The following DNAH3 variants were observed in gnomAD, a reference collection of about 807,000 sequenced individuals.
DNAH3 encodes the protein dynein axonemal heavy chain 3.
Under a neutral mutation model 432.5 loss-of-function variants are expected in DNAH3, and 332 were observed. That is an observed-to-expected ratio of 0.77 (90% CI 0.70 to 0.84). The LOEUF (loss-of-function observed/expected upper bound fraction) is 0.84, where lower values mean the gene tolerates loss of function less well. Among genes scored for constraint, DNAH3 ranks in the 40% least tolerant of loss-of-function variants. DNAH3 has a pLI of 0.00. For synonymous variants in DNAH3, 1,956 were observed against 1,900.2 expected (o/e 1.03, Z -0.76); for missense variants, 4,861 against 5,114.0 (o/e 0.95, Z 1.51).
intron 19 of DNAH3, among the ~76,000 whole-genome samples, chr16:21,084,314 C>CTTTATTTATTTA (rs71666850): frequency 1.3e-5 from 2 of 151,098 alleles, no homozygotes; most frequent in African/African-American, 4.9e-5. Flanking sequence ...AATTTTTTTA[C>CTTTATTTATTTA]TTTATTTATT....
chr16:21,137,308 C>A (rs1192668107), intron 5 of DNAH3, among the ~76,000 whole-genome samples: 2 of 150,990 alleles, frequency 1.3e-5, no homozygotes, highest in Non-Finnish European at 2.9e-5. Flanking sequence ...CCTAAAATGG[C>A]CTCGAATCAC....
rs1215324675 is a variant in DNAH3 at position 20,957,864 on chromosome 16, ATTTGAGTTAAAATGGACT to A, written c.10826+1297_10826+1314del. On this transcript the variant is annotated intron_variant, in intron 54 of 61. Transcript: ENST00000261383. ...AAAAAAAAAAAGAGAATCCCTGAAC[ATTTGAGTTAAAATGGACT>A]TTAAAGTCTGTTTGGTTCAACTCAT... 4.3e-5 allele frequency among the ~76,000 whole-genome samples: 6 copies of A among 137,998 alleles called. No individual in the cohort carries two copies. The East Asian group carries it at 1.3e-3, about 31-fold the overall frequency. The allele number at this position is 137,998 out of a possible 152,430, so 90.5% of individuals were successfully genotyped here.
chr16:21,105,901 G>A (rs1011936147), intron 15 of DNAH3, among the ~76,000 whole-genome samples: 10 of 152,008 alleles, frequency 6.6e-5, no homozygotes, highest in African/African-American at 1.2e-4. Flanking sequence ...ACTGGAGGTC[G>A]GCCAGGCCCC....
chr16:21,008,455 T>G (rs912247812), intron 41 of DNAH3, among the ~76,000 whole-genome samples: 2 of 152,206 alleles, frequency 1.3e-5, no homozygotes, highest in African/African-American at 4.8e-5. Flanking sequence ...GAAATCTGTC[T>G]ACATTTCCTG....
chr16:21,050,733 C>T (rs2089920625), intron 29 of DNAH3, among the ~76,000 whole-genome samples: 1 of 152,196 alleles, frequency 6.6e-6, no homozygotes, highest in Non-Finnish European at 1.5e-5. Context: ...CGTGAGCCAC[C>T]ATGCCCAGCT....
At chr16:21,094,603 G>A (rs951823322) in intron 18 of DNAH3, among the ~76,000 whole-genome samples, 21 of 149,666 alleles carry the variant, frequency 1.4e-4, no homozygotes, top group African/African-American at 4.2e-4. Context: ...CCCAGGAGGC[G>A]GAGGCTGCAG....
At chr16:21,030,413 GAGAGAGAGAAAGAT>G (rs2088813658) in intron 37 of DNAH3, among the ~76,000 whole-genome samples, 1 of 152,138 alleles carries the variant, frequency 6.6e-6, no homozygotes, top group Non-Finnish European at 1.5e-5. Context: ...GAAAGAAAAA[GAGAGAGAGAAAGAT>G]GGGCCAAATA....
At chr16:21,129,704 T>G (rs747527335) in intron 7 of DNAH3, among the ~76,000 whole-genome samples, 5 of 151,738 alleles carry the variant, frequency 3.3e-5, no homozygotes, top group Non-Finnish European at 7.4e-5. Flanking sequence ...ACCACTGCAC[T>G]CCAGCCTGGG....
At chr16:21,050,566 G>A (rs2089912192) in intron 29 of DNAH3, among the ~76,000 whole-genome samples, 1 of 152,120 alleles carries the variant, frequency 6.6e-6, no homozygotes, top group African/African-American at 2.4e-5. Flanking sequence ...AGCCTCCCAA[G>A]TAGCTGGGAC....
In DNAH3 at chr16:20,977,267, C is replaced by T. The variant is rs145040777; in HGVS notation, c.8077-1852G>A. Among the ~76,000 whole-genome samples the T allele has an allele frequency of 5.9e-3, 901 of 152,244 alleles. 10 individuals carry two copies. Among genetic ancestry groups the T allele is most frequent in the African/African-American group, 0.02 (850 of 41,552 alleles). On this transcript the variant is annotated intron_variant, in intron 50 of 61. Transcript: ENST00000261383. ...TGGCACGTGCCTGTAATCCCAGCTACTCGGGAGACTGAGGCAGGAGAATTG... is the reference window on the plus strand; with the variant it reads ...TGGCACGTGCCTGTAATCCCAGCTATTCGGGAGACTGAGGCAGGAGAATTG...
chr16:21,116,299 C>T (rs2152807792), intron 12 of DNAH3, among the ~76,000 whole-genome samples: 1 of 152,054 alleles, frequency 6.6e-6, no homozygotes, highest in Admixed American at 6.5e-5. Context: ...CCATAATCCC[C>T]ACGTGTTGTG....
At position 21,034,768 on chromosome 16, in the gene DNAH3, G is replaced by A. The variant is rs529605841; in HGVS notation, c.5086-683C>T. Among the ~76,000 whole-genome samples the A allele has an allele frequency of 3.3e-5, 5 of 152,340 alleles. No homozygotes were observed. In the South Asian group the frequency reaches 1.0e-3, roughly 32 times the overall value. ...AATAAGAAGCATCTAAATGAAGGTA[G>A]TGACAACGGGAGTGGTAGAGAAAGG... On this transcript the variant is annotated intron_variant, in intron 35 of 61. Coordinates refer to ENST00000261383, the Ensembl canonical transcript of DNAH3.
rs141445523 is a variant in DNAH3 at position 21,142,148 on chromosome 16, C to T, written c.449-776G>A. 8.3e-3 allele frequency among the ~76,000 whole-genome samples: 1,255 copies of T among 151,956 alleles called. 26 individuals are homozygous for T. The highest frequency in any genetic ancestry group is 0.029 in the African/African-American group (1,202 of 41,470). ...TTGGGAGGCCGAGACAGGCAGATCA[C>T]GAGGTCAGGAGTTGGAGACCAGCCT... On this transcript the variant is annotated intron_variant, in intron 3 of 61. Coordinates refer to ENST00000261383, the Ensembl canonical transcript of DNAH3.
chr16:20,959,610 A>AACAC (rs55757849), intron 53 of DNAH3, among the ~76,000 whole-genome samples: 2,803 of 137,580 alleles, frequency 0.02, 36 homozygotes, highest in Middle Eastern at 0.032. Context: ...TCTCTATTTA[A>AACAC]ACACACACAC....
chr16:20,988,956 T>C (rs1020475919), intron 44 of DNAH3, among the ~76,000 whole-genome samples: 2 of 152,182 alleles, frequency 1.3e-5, no homozygotes, highest in Non-Finnish European at 2.9e-5. Flanking sequence ...GGTGGACTCG[T>C]GGTCTCGCTG....
chr16:20,985,319 T>C, exon 48 of DNAH3: 1 of 1,614,216 alleles, frequency 6.2e-7, no homozygotes, highest in Non-Finnish European at 8.5e-7. Context: ...AGTATGATCT[T>C]CTTAAGATCT....
At chr16:21,040,358 A>ATTTTTT (rs55797285) in intron 32 of DNAH3, among the ~76,000 whole-genome samples, 1 of 79,710 alleles carries the variant, frequency 1.3e-5, no homozygotes, top group African/African-American at 5.6e-5. Context: ...AGCCAGACAG[A>ATTTTTT]TTTTTTTTTT....
intron 21 of DNAH3, among the ~76,000 whole-genome samples, chr16:21,072,240 A>T (rs8048142): frequency 0.22 from 33,866 of 151,442 alleles, 3,960 homozygotes; most frequent in East Asian, 0.44. Context: ...TTAATTAATT[A>T]ATTTTAATTT....
exon 53 of DNAH3, chr16:20,964,158 G>T (rs767018940): frequency 9.9e-6 from 16 of 1,614,158 alleles, no homozygotes; most frequent in Non-Finnish European, 1.4e-5. Context: ...GAACCTCCAA[G>T]ATCTTATCTT....
Sources: gnomAD v4.1 joint callset for allele counts (sites outside exome capture counted in the v4.1 genomes callset) on GRCh38, gnomAD v4.1.1 for gene constraint, MANE v1.5 for transcripts, NCBI Gene and HGNC (gene_info 2026-07-23, HGNC 2026-07-21) for gene names.